NAT1: variants seen among roughly 807,000 people sequenced by gnomAD.
NAT1 encodes arylamine N-acetyltransferase 1.
For synonymous variants in NAT1, 144 were observed against 122.6 expected, an observed-to-expected ratio of 1.17 and a Z score of -1.16; for missense variants, 400 against 339.2, an observed-to-expected ratio of 1.18 and a Z score of -1.41.
chr8:18,215,295 C>T (rs539823260), intron 1 of NAT1, among the ~76,000 whole-genome samples: 33 of 152,204 alleles, frequency 2.2e-4, no homozygotes, highest in Admixed American at 1.6e-3. Flanking sequence ...TTCTCCACTT[C>T]GGAAGCACCA....
chr8:18,216,937 A>G, intron 1 of NAT1: 1 of 1,551,396 alleles, frequency 6.4e-7, no homozygotes, highest in South Asian at 1.2e-5. Context: ...CTCGAGCCAC[A>G]GGGTCCAGCT....
rs541479309 is a variant in NAT1, at chr8:18,189,971, G to A, written n.92+19232G>A. 3.3e-5 allele frequency among the ~76,000 whole-genome samples: 5 copies of A among 152,192 alleles called. No homozygotes were observed. The East Asian group carries it at 9.7e-4, about 29-fold the overall frequency. On this transcript the variant is annotated intron_variant and non_coding_transcript_variant, in intron 2 of 4. Coordinates refer to the NAT1 transcript ENST00000517441. The stretch of plus-strand genomic sequence containing the variant: ...CACCTGGCTAATTTTTGTATTTATA[G>A]TAGAGATCGGTTTTCACCATGTTCG...
At chr8:18,183,218 T>C (rs1270902848) in intron 2 of NAT1, among the ~76,000 whole-genome samples, 3 of 152,190 alleles carry the variant, frequency 2.0e-5, no homozygotes, top group Non-Finnish European at 1.5e-5. Flanking sequence ...ATTGCATTAA[T>C]CCATTCATAA....
chr8:18,176,591 T>C (rs1349277430), intron 2 of NAT1, among the ~76,000 whole-genome samples: 1 of 136,760 alleles, frequency 7.3e-6, no homozygotes. Flanking sequence ...TGCCATGCTG[T>C]TTTTTTGTTT....
chr8:18,189,661 G>A (rs1802899962), intron 2 of NAT1, among the ~76,000 whole-genome samples: 1 of 152,268 alleles, frequency 6.6e-6, no homozygotes, highest in Admixed American at 6.5e-5. Flanking sequence ...GTTGTTTCTT[G>A]CCTTTTCTCT....
At chr8:18,186,483 T>A (rs910473755) in intron 2 of NAT1, among the ~76,000 whole-genome samples, 1 of 152,200 alleles carries the variant, frequency 6.6e-6, no homozygotes, top group Non-Finnish European at 1.5e-5. Flanking sequence ...GTGTTTAATA[T>A]CGCTACACAT....
chr8:18,209,292 GGTGCCGAAGGCA>G (rs1473118524), upstream of NAT1, among the ~76,000 whole-genome samples: 2 of 152,228 alleles, frequency 1.3e-5, no homozygotes, highest in African/African-American at 2.4e-5. Context: ...TAGAACAGTA[GGTGCCGAAGGCA>G]CAGCACAAGG....
intron 2 of NAT1, among the ~76,000 whole-genome samples, chr8:18,220,238 T>G (rs1446088069): frequency 1.3e-5 from 2 of 152,110 alleles, no homozygotes; most frequent in African/African-American, 4.8e-5. Flanking sequence ...TCTAATAGAT[T>G]TGGAGAAATG....
At chr8:18,216,303 T>C (rs749866535) in intron 1 of NAT1, among the ~76,000 whole-genome samples, 12 of 152,158 alleles carry the variant, frequency 7.9e-5, no homozygotes, top group Non-Finnish European at 1.2e-4. Flanking sequence ...TTTCTATGGG[T>C]TGCCCTGAGT....
At chr8:18,177,679 A>C (rs753786750) in intron 2 of NAT1, among the ~76,000 whole-genome samples, 135 of 152,230 alleles carry the variant, frequency 8.9e-4, no homozygotes, top group Non-Finnish European at 1.5e-3. Context: ...GCCAAACAAT[A>C]ATGTTTATGT....
At position 18,222,190 on chromosome 8, in the gene NAT1, T is replaced by G; in HGVS notation, c.143T>G (p.Met48Arg). The G allele has an allele frequency of 2.5e-6, 4 of 1,614,144 alleles. No individual in the cohort carries two copies. Among genetic ancestry groups the G allele is most frequent in the Non-Finnish European group, 3.4e-6 (4 of 1,180,010 alleles). Reference protein sequence around the residue: ...ENLNIHCGDAMDLGLEAIFDQ... With the variant: ...ENLNIHCGDARDLGLEAIFDQ... ...CTTAACATCCATTGTGGGGATGCCATGGACTTAGGCTTAGAGGCCATTTTT... is the reference window on the plus strand; with the variant it reads ...CTTAACATCCATTGTGGGGATGCCAGGGACTTAGGCTTAGAGGCCATTTTT... The change falls in exon 3 of 3, where the codon ATG becomes AGG. Residue 48 changes from methionine (M) to arginine (R), a missense_variant. Physicochemically the swap from Met to Arg is moderately conservative, Grantham distance 91. Transcript: ENST00000307719.
intron 2 of NAT1, among the ~76,000 whole-genome samples, chr8:18,173,329 C>T (rs545984767): frequency 6.6e-6 from 1 of 152,314 alleles, no homozygotes; most frequent in Admixed American, 6.5e-5. Flanking sequence ...CTAGCATTTT[C>T]ATTCTTGCCA....
At chr8:18,207,473 G>A (rs1032426802), upstream of NAT1, among the ~76,000 whole-genome samples, 5 of 152,066 alleles carry the variant, frequency 3.3e-5, no homozygotes, top group African/African-American at 9.7e-5. Context: ...AATTACTTTG[G>A]GCAGTATGGC....
At chr8:18,196,625 G>A (rs1009896531) in intron 2 of NAT1, among the ~76,000 whole-genome samples, 1 of 152,160 alleles carries the variant, frequency 6.6e-6, no homozygotes, top group Non-Finnish European at 1.5e-5. Context: ...ATCTGAGAAA[G>A]TCATAAATTC....
At chr8:18,207,713 C>G (rs1589096682), upstream of NAT1, among the ~76,000 whole-genome samples, 1 of 152,162 alleles carries the variant, frequency 6.6e-6, no homozygotes, top group East Asian at 1.9e-4. Flanking sequence ...GTGGCAATTC[C>G]TCAAAGTCCT....
At chr8:18,179,719 A>G (rs1589053247) in intron 2 of NAT1, among the ~76,000 whole-genome samples, 1 of 123,090 alleles carries the variant, frequency 8.1e-6, no homozygotes, top group Non-Finnish European at 1.8e-5. Flanking sequence ...TCTTTAGTCA[A>G]TCATAGTACT....
At chr8:18,172,223 G>A (rs1381700838) in intron 2 of NAT1, among the ~76,000 whole-genome samples, 1 of 152,154 alleles carries the variant, frequency 6.6e-6, no homozygotes, top group Non-Finnish European at 1.5e-5. Flanking sequence ...ACTAGAAGAA[G>A]AGAATAGCAG....
At chr8:18,207,181 T>C (rs1457304502), upstream of NAT1, among the ~76,000 whole-genome samples, 1 of 152,192 alleles carries the variant, frequency 6.6e-6, no homozygotes, top group African/African-American at 2.4e-5. Flanking sequence ...TAGATGATTG[T>C]AGATGTGTGG....
At chr8:18,210,083 C>T (rs1479363953), upstream of NAT1, 2 of 152,152 alleles carry the variant, frequency 1.3e-5, no homozygotes, top group African/African-American at 2.4e-5. Flanking sequence ...GAGAGCACTT[C>T]CCCTGCAGAC....
Sources: allele counts gnomAD v4.1 joint callset (sites outside exome capture counted in the v4.1 genomes callset), GRCh38; gene constraint gnomAD v4.1.1; transcripts MANE v1.5; gene names NCBI Gene and HGNC (gene_info 2026-07-23, HGNC 2026-07-21).